The following TMEM117 variants were observed in gnomAD, a reference collection of about 807,000 sequenced individuals.
TMEM117 encodes the protein transmembrane protein 117.
Under a neutral mutation model 52.4 loss-of-function variants are expected in TMEM117, and 27 were observed. The observed-to-expected ratio is 0.51, with a 90% CI of 0.38 to 0.71. The LOEUF (loss-of-function observed/expected upper bound fraction) is 0.71, where lower values mean the gene tolerates loss of function less well. TMEM117 is among the 30% of genes least tolerant of loss of function. The probability of loss-of-function intolerance (pLI) is 0.00; values close to 1 mark genes in which losing one functional copy is unlikely to be tolerated. For missense variants in TMEM117, 556 were observed against 630.5 expected, an observed-to-expected ratio of 0.88 and a Z score of 1.26; for synonymous variants, 215 against 206.3, an observed-to-expected ratio of 1.04 and a Z score of -0.36.
intron 5 of TMEM117, among the ~76,000 whole-genome samples, chr12:44,228,591 C>T (rs1182425800): frequency 1.3e-5 from 2 of 152,084 alleles, no homozygotes; most frequent in Non-Finnish European, 2.9e-5. Context: ...GAAGAGACCA[C>T]TTCAAATTAT....
chr12:44,011,771 G>C (rs1946294538), intron 3 of TMEM117, among the ~76,000 whole-genome samples: 1 of 151,992 alleles, frequency 6.6e-6, no homozygotes. Flanking sequence ...TGTAATAAAA[G>C]TTATGTAAAC....
At chr12:44,110,158 G>A (rs1448260169) in intron 3 of TMEM117, among the ~76,000 whole-genome samples, 1 of 109,508 alleles carries the variant, frequency 9.1e-6, no homozygotes, top group African/African-American at 4.1e-5. Flanking sequence ...TGCAAACAGG[G>A]ACAATTTGAC....
At chr12:44,074,147 C>A (rs1279090306) in intron 3 of TMEM117, among the ~76,000 whole-genome samples, 1 of 152,004 alleles carries the variant, frequency 6.6e-6, no homozygotes, top group Non-Finnish European at 1.5e-5. Context: ...TGAAAAAAAA[C>A]CAACTTACCT....
At chr12:44,393,797 T>C (rs570087550), downstream of TMEM117, among the ~76,000 whole-genome samples, 7 of 152,218 alleles carry the variant, frequency 4.6e-5, no homozygotes, top group Non-Finnish European at 8.8e-5. Flanking sequence ...AAGCATATGA[T>C]TGAAACAGAT....
intron 2 of TMEM117, among the ~76,000 whole-genome samples, chr12:43,875,250 T>TGTGA (rs1220444114): frequency 5.1e-5 from 7 of 138,160 alleles, no homozygotes; most frequent in African/African-American, 1.8e-4. Context: ...TGTGTGTGTG[T>TGTGA]GAGAAAAGAG....
chr12:44,090,956 A>G (rs993474147), intron 3 of TMEM117, among the ~76,000 whole-genome samples: 6 of 151,172 alleles, frequency 4.0e-5, no homozygotes, highest in South Asian at 2.1e-4. Flanking sequence ...AAAGATACAT[A>G]TTAAAACATA....
downstream of TMEM117, among the ~76,000 whole-genome samples, chr12:44,390,003 C>A (rs1008787982): frequency 6.6e-6 from 1 of 151,946 alleles, no homozygotes; most frequent in Non-Finnish European, 1.5e-5. Context: ...TTTTTTAAAT[C>A]TCTCTTGTTT....
Position 44,388,407 on chromosome 12 carries a change from A to C in TMEM117, c.1280A>C (p.Gln427Pro). ...AAAAATGAGCCACGCATGGAGAATC[A>C]AGACAAAACTTACACTCGCATGAAA... Reference protein sequence around the residue: ...FLKNEPRMENQDKTYTRMKRK... With the variant: ...FLKNEPRMENPDKTYTRMKRK... The change falls in exon 8 of 8, where the codon CAA becomes CCA. Residue 427 changes from glutamine to proline, a missense_variant. By Grantham distance (76) the Gln-to-Pro change is moderately conservative. This residue lies in a region of TMEM117 where 206 missense variants were observed against 211.1 expected (regional missense o/e 0.98). Coordinates refer to ENST00000266534, the MANE Select transcript of TMEM117 (RefSeq NM_032256.3). The C allele has an allele frequency of 6.2e-7, 1 of 1,613,484 alleles. No homozygotes were observed. The highest frequency in any genetic ancestry group is 8.5e-7 in the Non-Finnish European group (1 of 1,179,680).
chr12:44,043,796 A>G (rs1423153975), intron 3 of TMEM117, among the ~76,000 whole-genome samples: 1 of 152,226 alleles, frequency 6.6e-6, no homozygotes, highest in Non-Finnish European at 1.5e-5. Context: ...TCTCTAGTTT[A>G]TATAAACAGA....
intron 5 of TMEM117, among the ~76,000 whole-genome samples, chr12:44,227,132 A>G (rs1949872163): frequency 6.6e-6 from 1 of 152,064 alleles, no homozygotes; most frequent in Non-Finnish European, 1.5e-5. Context: ...CATATTCACT[A>G]TTTGCATTAC....
At chr12:43,850,686 C>G (rs566845490) in intron 2 of TMEM117, among the ~76,000 whole-genome samples, 1 of 152,178 alleles carries the variant, frequency 6.6e-6, no homozygotes, top group Admixed American at 6.5e-5. Flanking sequence ...ACCAAAGAGT[C>G]ACAGCCATGC....
intron 3 of TMEM117, among the ~76,000 whole-genome samples, chr12:44,132,844 T>C (rs1349066455): frequency 6.6e-6 from 1 of 152,128 alleles, no homozygotes; most frequent in Non-Finnish European, 1.5e-5. Flanking sequence ...AAAAATAACA[T>C]CTAAGAGACA....
intron 3 of TMEM117, among the ~76,000 whole-genome samples, chr12:44,114,974 A>C (rs761432726): frequency 3.3e-5 from 5 of 152,182 alleles, no homozygotes; most frequent in Non-Finnish European, 5.9e-5. Flanking sequence ...ATCTTTAAAA[A>C]CTTAATTATG....
the TMEM117 span, among the ~76,000 whole-genome samples, chr12:43,826,841 C>G: frequency 6.6e-6 from 1 of 152,030 alleles, no homozygotes; most frequent in Non-Finnish European, 1.5e-5. Context: ...GGATTTTTGT[C>G]TGAGTTGATC....
intron 3 of TMEM117, among the ~76,000 whole-genome samples, chr12:44,132,908 G>A (rs1948436835): frequency 6.6e-6 from 1 of 152,094 alleles, no homozygotes. Context: ...GAAAAAGAAA[G>A]GATTATTGTG....
chr12:44,253,879 TTC>T (rs1950224839), intron 5 of TMEM117, among the ~76,000 whole-genome samples: 1 of 128,688 alleles, frequency 7.8e-6, no homozygotes, highest in African/African-American at 3.0e-5. Flanking sequence ...CACACACACC[TTC>T]TCTCTCTCAA....
At chr12:44,205,793 T>A (rs1227799795) in intron 4 of TMEM117, among the ~76,000 whole-genome samples, 1 of 152,154 alleles carries the variant, frequency 6.6e-6, no homozygotes. Flanking sequence ...GAAAAATGAA[T>A]GCCTATATGC....
At chr12:44,243,169 G>A (rs1305329219) in intron 5 of TMEM117, among the ~76,000 whole-genome samples, 1 of 151,888 alleles carries the variant, frequency 6.6e-6, no homozygotes, top group East Asian at 1.9e-4. Context: ...TTTGTCAAAT[G>A]CCTAGTTCAC....
intron 6 of TMEM117, among the ~76,000 whole-genome samples, chr12:44,325,586 G>T (rs999332485): frequency 1.4e-4 from 21 of 151,600 alleles, no homozygotes; most frequent in African/African-American, 4.8e-4. Context: ...TCTTAGGATG[G>T]TTAATATTTT....
Sources: gnomAD v4.1 joint callset for allele counts (sites outside exome capture counted in the v4.1 genomes callset) on GRCh38, gnomAD v4.1.1 for gene constraint, gnomAD v4.1.1 regional missense constraint, MANE v1.5 for transcripts, NCBI Gene and HGNC (gene_info 2026-07-23, HGNC 2026-07-21) for gene names.